Variants in NEGR1 observed in about 807,000 individuals in gnomAD.
The protein encoded by NEGR1 is IgLON family member 4.
In NEGR1, 10 loss-of-function variants were observed where a neutral mutation model predicts 40.9. The observed-to-expected ratio is 0.24, with a 90% CI of 0.15 to 0.42. NEGR1 has a LOEUF of 0.42. NEGR1 is among the 10% of genes least tolerant of loss of function. The probability of loss-of-function intolerance (pLI) is 1.00; values close to 1 mark genes in which losing one functional copy is unlikely to be tolerated. For missense variants in NEGR1, 352 were observed against 438.9 expected (o/e 0.80, Z 1.77); for synonymous variants, 185 against 166.8 (o/e 1.11, Z -0.84).
chr1:71,615,257 C>T (rs902732487), intron 4 of NEGR1, among the ~76,000 whole-genome samples: 1 of 150,996 alleles, frequency 6.6e-6, no homozygotes, highest in South Asian at 2.1e-4. Context: ...TCTGTTGATT[C>T]AACACATATT....
chr1:71,726,766 A>ATGTTCAACT (rs1654690045), intron 3 of NEGR1, among the ~76,000 whole-genome samples: 5 of 152,042 alleles, frequency 3.3e-5, no homozygotes, highest in Admixed American at 3.3e-4. Flanking sequence ...AGGTAATAGG[A>ATGTTCAACT]TGAAGTCCCC....
chr1:71,702,725 T>TA (rs1388487842), intron 3 of NEGR1, among the ~76,000 whole-genome samples: 8 of 36,960 alleles, frequency 2.2e-4, no homozygotes, highest in Admixed American at 5.4e-4. Flanking sequence ...CAAAACTTAT[T>TA]TAAAAAAAAA....
rs563890585 is a variant in NEGR1 at position 72,003,223 on chromosome 1, G to T, written c.177-67912C>A. 1.1e-4 allele frequency among the ~76,000 whole-genome samples: 17 copies of T among 151,434 alleles called. 1 individual carries two copies. The South Asian group carries it at 3.4e-3, about 30-fold the overall frequency. Reference sequence around the variant, plus strand: ...TGCTTTTAAGCCCTATCTGAGTGTTGGGTCGGAGGTTAGGCTTGACAATCT... The same window carrying T: ...TGCTTTTAAGCCCTATCTGAGTGTTTGGTCGGAGGTTAGGCTTGACAATCT... On this transcript the variant is annotated intron_variant, in intron 1 of 6. Transcript: ENST00000357731.
chr1:71,827,778 CGAGA>C (rs1169608392), intron 2 of NEGR1, among the ~76,000 whole-genome samples: 1 of 151,364 alleles, frequency 6.6e-6, no homozygotes, highest in Non-Finnish European at 1.5e-5. Context: ...AACTATACCG[CGAGA>C]GAGACAGGTA....
chr1:72,041,309 A>C (rs1646951959), intron 1 of NEGR1, among the ~76,000 whole-genome samples: 1 of 151,882 alleles, frequency 6.6e-6, no homozygotes, highest in Non-Finnish European at 1.5e-5. Flanking sequence ...TTTCCTTTAC[A>C]GGGGTTTAAT....
At chr1:71,568,538 T>C (rs1049019668) in intron 6 of NEGR1, among the ~76,000 whole-genome samples, 16 of 152,138 alleles carry the variant, frequency 1.1e-4, no homozygotes, top group African/African-American at 3.9e-4. Flanking sequence ...TTATTGAAGT[T>C]ACCATGTGAC....
intron 6 of NEGR1, among the ~76,000 whole-genome samples, chr1:71,567,845 T>TA (rs1268657212): frequency 2.6e-5 from 4 of 151,588 alleles, no homozygotes; most frequent in African/African-American, 9.7e-5. Flanking sequence ...GTTTTTTTTT[T>TA]TATAAGATAG....
intron 5 of NEGR1, among the ~76,000 whole-genome samples, chr1:71,607,656 T>A (rs963265077): frequency 6.6e-6 from 1 of 152,214 alleles, no homozygotes; most frequent in Non-Finnish European, 1.5e-5. Flanking sequence ...CAATAGCAGG[T>A]GCTTGCTAAA....
At chr1:72,054,563 G>T (rs991540133) in intron 1 of NEGR1, among the ~76,000 whole-genome samples, 3 of 151,164 alleles carry the variant, frequency 2.0e-5, no homozygotes, top group Non-Finnish European at 4.4e-5. Context: ...ACTCTGGTTA[G>T]CAATAGATAT....
At chr1:72,261,612 C>T (rs2100545866) in intron 1 of NEGR1, among the ~76,000 whole-genome samples, 1 of 152,066 alleles carries the variant, frequency 6.6e-6, no homozygotes, top group Admixed American at 6.6e-5. Context: ...GTGTCCGGCA[C>T]CACTTTGGCA....
At chr1:72,062,519 G>T (rs551767709) in intron 1 of NEGR1, among the ~76,000 whole-genome samples, 1 of 151,898 alleles carries the variant, frequency 6.6e-6, no homozygotes, top group South Asian at 2.1e-4. Context: ...GAAGAAGCAC[G>T]ATGAGTTCAA....
At chr1:71,968,225 C>A (rs2100311192) in intron 1 of NEGR1, among the ~76,000 whole-genome samples, 1 of 152,154 alleles carries the variant, frequency 6.6e-6, no homozygotes, top group South Asian at 2.1e-4. Context: ...TGAAAGGATC[C>A]ACTCAACCAA....
At chr1:71,536,633 A>G (rs1299662077) in intron 6 of NEGR1, among the ~76,000 whole-genome samples, 1 of 151,760 alleles carries the variant, frequency 6.6e-6, no homozygotes, top group African/African-American at 2.4e-5. Context: ...TTTGGGAGTC[A>G]TACTGGTTGC....
At chr1:71,572,474 G>A (rs1223652161) in intron 6 of NEGR1, among the ~76,000 whole-genome samples, 1 of 152,112 alleles carries the variant, frequency 6.6e-6, no homozygotes, top group East Asian at 1.9e-4. Flanking sequence ...CTCAACAACA[G>A]TACCCTGCAC....
chr1:72,044,678 T>C (rs1646986027), intron 1 of NEGR1, among the ~76,000 whole-genome samples: 1 of 151,854 alleles, frequency 6.6e-6, no homozygotes, highest in Non-Finnish European at 1.5e-5. Flanking sequence ...TATGATAAAT[T>C]GTCCTATAAG....
At chr1:71,505,438 C>T (rs532183266) in intron 6 of NEGR1, among the ~76,000 whole-genome samples, 2 of 152,232 alleles carry the variant, frequency 1.3e-5, no homozygotes, top group East Asian at 1.9e-4. Flanking sequence ...TCCGCCACTG[C>T]GCCAGACTAA....
chr1:71,530,088 T>C (rs1002042895), intron 6 of NEGR1, among the ~76,000 whole-genome samples: 6 of 151,280 alleles, frequency 4.0e-5, no homozygotes, highest in Non-Finnish European at 5.9e-5. Flanking sequence ...TTATCTCTGC[T>C]TTAACTCTCT....
intron 2 of NEGR1, among the ~76,000 whole-genome samples, chr1:71,928,822 G>T (rs930026687): frequency 1.3e-5 from 2 of 151,944 alleles, no homozygotes; most frequent in Non-Finnish European, 2.9e-5. Context: ...ATCGGTAATT[G>T]AACTTACTTG....
At chr1:71,696,275 G>C (rs1653471334) in intron 4 of NEGR1, among the ~76,000 whole-genome samples, 1 of 151,582 alleles carries the variant, frequency 6.6e-6, no homozygotes, top group African/African-American at 2.4e-5. Flanking sequence ...TTAAATAAGT[G>C]GCAACAAACT....
Sources: gnomAD v4.1 joint callset for allele counts (sites outside exome capture counted in the v4.1 genomes callset) on GRCh38, gnomAD v4.1.1 for gene constraint, MANE v1.5 for transcripts, NCBI Gene and HGNC (gene_info 2026-07-23, HGNC 2026-07-21) for gene names.